CPZ: variants seen among roughly 807,000 people sequenced by gnomAD.
CPZ encodes carboxypeptidase Z, also known as VEZT/CPZ fusion.
Under a neutral mutation model 61.8 loss-of-function variants are expected in CPZ, and 103 were observed. The observed-to-expected ratio is 1.67, with a 90% confidence interval of 1.42 to 1.96. The LOEUF (loss-of-function observed/expected upper bound fraction) is 1.96. CPZ is among the 30% of genes most tolerant of loss of function. The pLI, the probability that CPZ is intolerant of heterozygous loss-of-function variation, is 0.00. For missense variants in CPZ, 1,461 were observed against 914.9 expected (o/e 1.60, Z -7.70); for synonymous variants, 551 against 373.7 (o/e 1.47, Z -5.47).
At position 8,619,587 on chromosome 4, in the gene CPZ, C is replaced by G. The variant is rs1313846100; in HGVS notation, c.1929C>G (p.Thr643=). Residue 643 remains threonine (T), a synonymous_variant, in exon 11 of 11, where the codon ACC becomes ACG. Coordinates refer to ENST00000360986, the MANE Select transcript of CPZ (RefSeq NM_001014447.3). ...GGTCCTACTTCACATCGCTGAGCAC[C>G]CACAGGCCACGCTGGCTGCTCAAGT... ...WWWSYFTSLS[T]HRPRWLLKY The G allele has an allele frequency of 1.3e-6, 2 of 1,517,504 alleles. No homozygotes were observed. The highest frequency in any genetic ancestry group is 1.3e-5 in the South Asian group (1 of 75,382). The allele number at this position is 1,517,504 out of a possible 1,614,324, so 94.0% of individuals were successfully genotyped here.
At chr4:8,600,487 C>T (rs1319326413) in intron 2 of CPZ, among the ~76,000 whole-genome samples, 1 of 152,198 alleles carries the variant, frequency 6.6e-6, no homozygotes, top group East Asian at 1.9e-4. Flanking sequence ...GGCTGGAGGG[C>T]CCTGCTAGGC....
intron 8 of CPZ, among the ~76,000 whole-genome samples, chr4:8,613,107 G>A (rs1477057100): frequency 1.3e-5 from 2 of 151,418 alleles, no homozygotes; most frequent in Admixed American, 6.6e-5. Context: ...CCCACGAGCA[G>A]AGCTGGGAGA....
chr4:8,595,554 C>T (rs902525197), intron 1 of CPZ, among the ~76,000 whole-genome samples: 3 of 152,334 alleles, frequency 2.0e-5, no homozygotes, highest in Middle Eastern at 6.8e-3. Flanking sequence ...GGCAAAGGCC[C>T]AGCCACATCA....
rs374394263 is a variant in CPZ, at chr4:8,603,962, C to G, written c.497-14C>G. 5.6e-6 allele frequency: 9 copies of G among 1,610,414 alleles called. No homozygotes were observed. Among genetic ancestry groups the G allele is most frequent in the African/African-American group, 2.7e-5 (2 of 74,912 alleles). On this transcript the variant is annotated splice_polypyrimidine_tract_variant and intron_variant, in intron 3 of 10. Coordinates refer to ENST00000360986, the MANE Select transcript of CPZ (RefSeq NM_001014447.3). ...GGGCCTGACACTGACTGAGCCCCCCCACTGCTCCCCCAGGAGGCCTGGAGG... is the reference window on the plus strand; with the variant it reads ...GGGCCTGACACTGACTGAGCCCCCCGACTGCTCCCCCAGGAGGCCTGGAGG...
Position 8,607,352 on chromosome 4 carries a change from T to C in CPZ, c.1154T>C (p.Val385Ala). ...GCCAGCCTTCATGGGGGCGACCTGGTGGTGTCCTACCCCTTCGACTTCTCC... is the reference window on the plus strand; with the variant it reads ...GCCAGCCTTCATGGGGGCGACCTGGCGGTGTCCTACCCCTTCGACTTCTCC... ...LSASLHGGDLVVSYPFDFSKH... is the reference protein window; with the variant it reads ...LSASLHGGDLAVSYPFDFSKH... Residue 385 changes from valine (V) to alanine (A), a missense_variant, in exon 7 of 11, where the codon GTG (valine) becomes GCG (alanine). Physicochemically the swap from Val to Ala is moderately conservative, Grantham distance 64 (BLOSUM62 0). Coordinates refer to ENST00000360986, the MANE Select transcript of CPZ (RefSeq NM_001014447.3). 1.9e-6 allele frequency: 3 copies of C among 1,614,110 alleles called. No individual in the cohort carries two copies. Among genetic ancestry groups the C allele is most frequent in the Non-Finnish European group, 2.5e-6 (3 of 1,179,990 alleles).
chr4:8,609,018 A>C lies in CPZ; in HGVS notation c.1227+1593A>C, dbSNP rs147800098. 2.1e-4 allele frequency among the ~76,000 whole-genome samples: 8 copies of C among 38,974 alleles called. No individual in the cohort carries two copies. The East Asian group carries it at 2.5e-3, about 12-fold the overall frequency. The allele number at this position is 38,974 out of a possible 152,430, so 25.6% of individuals were successfully genotyped here. On this transcript the variant is annotated intron_variant, in intron 7 of 10. Transcript: ENST00000360986. ...CTCTTTCACTTGTTCATCATTCATT[A>C]ACTCACTCCTTCACTCACCCATTCA...
At chr4:8,609,263 T>A (rs1300904099) in intron 7 of CPZ, among the ~76,000 whole-genome samples, 2 of 135,614 alleles carry the variant, frequency 1.5e-5, no homozygotes, top group Non-Finnish European at 3.0e-5. Context: ...TCACTCATTC[T>A]CTTATTCATT....
chr4:8,606,194 C>G lies in CPZ; in HGVS notation c.906+9C>G. On this transcript the variant is annotated intron_variant, in intron 5 of 10. Coordinates refer to ENST00000360986, the MANE Select transcript of CPZ (RefSeq NM_001014447.3). Reference sequence around the variant, plus strand: ...AGGTGGCAGCTGCCGAGGTGAGCGCCCAGATGCCTGGATCCTGTGGGCCAC... The same window carrying G: ...AGGTGGCAGCTGCCGAGGTGAGCGCGCAGATGCCTGGATCCTGTGGGCCAC... 3 of 1,610,836 alleles carry G rather than the reference C, an allele frequency of 1.9e-6. No individual in the cohort carries two copies. The highest frequency in any genetic ancestry group is 2.5e-6 in the Non-Finnish European group (3 of 1,178,258).
rs748345296 is a variant in CPZ at position 8,619,489 on chromosome 4, G to C, written c.1831G>C (p.Gly611Arg). The change falls in exon 11 of 11, where the codon GGG becomes CGG. Residue 611 changes from glycine to arginine, a missense_variant. Transcript: ENST00000360986. Reference protein sequence around the residue: ...HDPLGGASSLGEATEPDPLRA... With the variant: ...HDPLGGASSLREATEPDPLRA... ...CCCACTGGGAGGTGCCAGCTCTTTG[G>C]GGGAGGCCACGGAGCCCGACCCGCT... The C allele has an allele frequency of 2.5e-6, 4 of 1,608,390 alleles. No individual in the cohort carries two copies. Among genetic ancestry groups the C allele is most frequent in the South Asian group, 2.2e-5 (2 of 90,550 alleles).
At chr4:8,595,025 G>A (rs1714074269) in intron 1 of CPZ, among the ~76,000 whole-genome samples, 1 of 152,212 alleles carries the variant, frequency 6.6e-6, no homozygotes, top group Admixed American at 6.5e-5. Flanking sequence ...ACCCGCCTTG[G>A]CCTCCCAAAG....
At chr4:8,594,028 C>G (rs894538869) in intron 1 of CPZ, among the ~76,000 whole-genome samples, 1 of 152,178 alleles carries the variant, frequency 6.6e-6, no homozygotes, top group Non-Finnish European at 1.5e-5. Context: ...CTCCAGGAAG[C>G]TCTCCTGACC....
chr4:8,605,322 T>TCATCCATCTATCCATCCATCCATCCATC (rs1553876713), intron 4 of CPZ, among the ~76,000 whole-genome samples: 16 of 150,090 alleles, frequency 1.1e-4, no homozygotes, highest in African/African-American at 3.7e-4. Context: ...ATTCATTTAT[T>TCATCCATCTATCCATCCATCCATCCATC]CATCCATCCA....
intron 2 of CPZ, among the ~76,000 whole-genome samples, chr4:8,600,632 G>T (rs1714505890): frequency 6.6e-6 from 1 of 152,252 alleles, no homozygotes; most frequent in Non-Finnish European, 1.5e-5. Flanking sequence ...GCAGAGCAGA[G>T]ATGAGCCGGC....
In CPZ at chr4:8,619,495, G is replaced by T. The variant is rs777212567; in HGVS notation, c.1837G>T (p.Ala613Ser). The T allele has an allele frequency of 1.2e-6, 2 of 1,606,738 alleles. No individual in the cohort carries two copies. The highest frequency in any genetic ancestry group is 1.7e-6 in the Non-Finnish European group (2 of 1,175,308). Residue 613 changes from alanine (A) to serine (S), a missense_variant, in exon 11 of 11, where the codon GCC (alanine) becomes TCC (serine). Ala to Ser is a moderately conservative substitution (Grantham distance 99). Coordinates refer to ENST00000360986, the MANE Select transcript of CPZ (RefSeq NM_001014447.3). ...PLGGASSLGE[A>S]TEPDPLRARR... ...GGGAGGTGCCAGCTCTTTGGGGGAG[G>T]CCACGGAGCCCGACCCGCTCCGGGC...
Position 8,614,460 on chromosome 4 carries a change from C to A in CPZ, c.1465C>A (p.Gln489Lys). 1 of 1,613,982 alleles carries A rather than the reference C, an allele frequency of 6.2e-7. No individual in the cohort carries two copies. The change falls in exon 9 of 11, where the codon CAG (glutamine) becomes AAG (lysine). Residue 489 changes from glutamine (Q) to lysine (K), a missense_variant. Gln to Lys is a moderately conservative substitution (Grantham distance 53). Transcript: ENST00000360986. Reference protein sequence around the residue: ...PPEEALYILWQHNKESLLNFV... With the variant: ...PPEEALYILWKHNKESLLNFV... The stretch of plus-strand genomic sequence containing the variant: ...CGAGGAGGCCCTGTACATACTCTGG[C>A]AGCACAACAAGGAGTCACTCCTGAA...
chr4:8,610,058 C>A (rs1262447288), intron 7 of CPZ, among the ~76,000 whole-genome samples: 1 of 152,208 alleles, frequency 6.6e-6, no homozygotes, highest in Non-Finnish European at 1.5e-5. Flanking sequence ...TGCCTGCCAA[C>A]CCCTTTCTGG....
Position 8,606,169 on chromosome 4 carries a change from A to G in CPZ, c.890A>G (p.Glu297Gly). The G allele has an allele frequency of 6.2e-7, 1 of 1,613,852 alleles. No individual in the cohort carries two copies. The highest frequency in any genetic ancestry group is 2.2e-5 in the East Asian group (1 of 44,870). ...CCCTCCATGAACCCTGACGGCTATGAGGTGGCAGCTGCCGAGGTGAGCGCC... is the reference window on the plus strand; with the variant it reads ...CCCTCCATGAACCCTGACGGCTATGGGGTGGCAGCTGCCGAGGTGAGCGCC... ...LLPSMNPDGY[E>G]VAAAEGAGYN... is the part of the protein sequence containing the mutation. The change falls in exon 5 of 11, where the codon GAG becomes GGG. Residue 297 changes from glutamate (E) to glycine (G), a missense_variant. Physicochemically the swap from Glu to Gly is moderately conservative, Grantham distance 98. Transcript: ENST00000360986.
At chr4:8,596,899 A>G (rs761845695) in intron 1 of CPZ, among the ~76,000 whole-genome samples, 31 of 152,184 alleles carry the variant, frequency 2.0e-4, no homozygotes, top group Non-Finnish European at 3.1e-4. Flanking sequence ...TCCCAGGGTC[A>G]AGTCAAAGTT....
intron 9 of CPZ, 88 bp downstream of exon 9, chr4:8,614,586 C>G: frequency 7.2e-7 from 1 of 1,389,260 alleles, no homozygotes; most frequent in Non-Finnish European, 9.9e-7. Context: ...CCCCCGTAGC[C>G]TCACTGCCCC....
Sources: gnomAD v4.1 joint callset for allele counts (sites outside exome capture counted in the v4.1 genomes callset) on GRCh38, gnomAD v4.1.1 for gene constraint, MANE v1.5 for transcripts, NCBI Gene and HGNC (gene_info 2026-07-23, HGNC 2026-07-21) for gene names.